Variants in ASAP1 observed in about 807,000 individuals in gnomAD.
The protein encoded by ASAP1 is arf-GAP with SH3 domain, ANK repeat and PH domain-containing protein 1.
A neutral mutation model predicts 145.2 loss-of-function variants in ASAP1; 43 were observed. The observed-to-expected ratio is 0.30, with a 90% confidence interval of 0.23 to 0.38. The LOEUF is 0.38. ASAP1 is among the 10% of genes least tolerant of loss of function. ASAP1 has a pLI of 1.00. For synonymous variants in ASAP1, 546 were observed against 515.5 expected (o/e 1.06, Z -0.80); for missense variants, 1,018 against 1,355.3 (o/e 0.75, Z 3.91).
Position 130,274,158 on chromosome 8 carries a change from T to A in ASAP1, c.187-37164A>T, listed in dbSNP as rs117097409. ...CATTCTTCTCATACTAATGTATACC[T>A]CCCTGCCTGCATTGCTTTCCCTTGG... is the stretch of plus-strand genomic sequence containing the variant. On this transcript the variant is annotated intron_variant, in intron 3 of 29. Transcript: ENST00000518721. Among the ~76,000 whole-genome samples the A allele has an allele frequency of 5.8e-3, 877 of 152,280 alleles. 6 individuals carry two copies. The highest frequency in any genetic ancestry group is 9.2e-3 in the Non-Finnish European group (628 of 68,018).
At chr8:130,099,362 A>G (rs2097524640) in intron 24 of ASAP1, among the ~76,000 whole-genome samples, 2 of 151,814 alleles carry the variant, frequency 1.3e-5, no homozygotes, top group African/African-American at 2.4e-5. Flanking sequence ...TTGTATTTTT[A>G]GTAGAGACGG....
At chr8:130,289,104 T>C (rs1011910395) in intron 3 of ASAP1, among the ~76,000 whole-genome samples, 1 of 152,138 alleles carries the variant, frequency 6.6e-6, no homozygotes, top group African/African-American at 2.4e-5. Flanking sequence ...GAGAATCACT[T>C]GAACCCGGGA....
At chr8:130,399,205 A>G (rs1012036335) in intron 2 of ASAP1, among the ~76,000 whole-genome samples, 3 of 152,234 alleles carry the variant, frequency 2.0e-5, no homozygotes, top group Non-Finnish European at 2.9e-5. Flanking sequence ...AGAGGTTCAC[A>G]TGGCAAACAA....
At chr8:130,322,636 T>C (rs576101399) in intron 3 of ASAP1, among the ~76,000 whole-genome samples, 1 of 152,338 alleles carries the variant, frequency 6.6e-6, no homozygotes, top group South Asian at 2.1e-4. Flanking sequence ...TTCAATATAA[T>C]GCTATCTGGA....
rs773658025 is a variant in ASAP1 at position 130,358,122 on chromosome 8, G to C, written c.81C>G (p.Val27=). The change falls in exon 3 of 30, where the codon GTC becomes GTG. Residue 27 remains valine, a synonymous_variant. Coordinates refer to ENST00000518721, the MANE Select transcript of ASAP1 (RefSeq NM_018482.4). This position sits in a 1 kb window ranked among gnomAD's most constrained non-coding sequence, Gnocchi z 4.1. ...LWNRMPDQIS[V]SEFIAETTED... ...CGGTGGTCTCGGCGATGAACTCCGA[G>C]ACAGAGATCTGGTCCGGCATCCTGC... The C allele has an allele frequency of 1.2e-6, 2 of 1,608,334 alleles. No individual in the cohort carries two copies. The highest frequency in any genetic ancestry group is 1.3e-5 in the African/African-American group (1 of 74,824).
At chr8:130,306,922 T>C (rs186824852) in intron 3 of ASAP1, among the ~76,000 whole-genome samples, 1 of 152,326 alleles carries the variant, frequency 6.6e-6, no homozygotes, top group African/African-American at 2.4e-5. Flanking sequence ...TCCACCCAGG[T>C]CTGAGTGTCT....
At chr8:130,250,879 A>G (rs1343183104) in intron 3 of ASAP1, among the ~76,000 whole-genome samples, 1 of 152,200 alleles carries the variant, frequency 6.6e-6, no homozygotes, top group Non-Finnish European at 1.5e-5. Flanking sequence ...ACCATTTGTA[A>G]AATGGTAAAT....
chr8:130,210,012 C>T (rs1816481047), intron 5 of ASAP1, among the ~76,000 whole-genome samples: 1 of 152,114 alleles, frequency 6.6e-6, no homozygotes, highest in Non-Finnish European at 1.5e-5. Flanking sequence ...TGTTCATTTG[C>T]ATGGTTTCAG....
intron 3 of ASAP1, among the ~76,000 whole-genome samples, chr8:130,328,090 T>C (rs1824452831): frequency 6.6e-6 from 1 of 152,190 alleles, no homozygotes; most frequent in Admixed American, 6.5e-5. Context: ...CTGTCTAACA[T>C]TTACTGAGCA....
chr8:130,432,372 A>G (rs2138788818), intron 1 of ASAP1, among the ~76,000 whole-genome samples: 1 of 151,854 alleles, frequency 6.6e-6, no homozygotes, highest in African/African-American at 2.4e-5. Context: ...GGATGATGGG[A>G]ACAGCAAGAC....
chr8:130,440,624 C>T (rs935928986), intron 1 of ASAP1, among the ~76,000 whole-genome samples: 26 of 151,998 alleles, frequency 1.7e-4, no homozygotes, highest in Non-Finnish European at 2.8e-4. Flanking sequence ...TGTGTGATCT[C>T]GTCCCTGCTT....
intron 2 of ASAP1, among the ~76,000 whole-genome samples, chr8:130,365,360 T>A (rs1826902767): frequency 6.6e-6 from 1 of 152,208 alleles, no homozygotes; most frequent in Non-Finnish European, 1.5e-5. Flanking sequence ...CATAAATGTG[T>A]TTTGAATTGA....
At chr8:130,357,444 A>G (rs1477244360) in intron 3 of ASAP1, among the ~76,000 whole-genome samples, 1 of 152,234 alleles carries the variant, frequency 6.6e-6, no homozygotes, top group Non-Finnish European at 1.5e-5. Context: ...ATCTCTTTCC[A>G]TCTGGGCTTC....
At chr8:130,404,843 C>A (rs747168005) in intron 1 of ASAP1, among the ~76,000 whole-genome samples, 5 of 152,166 alleles carry the variant, frequency 3.3e-5, no homozygotes, top group African/African-American at 4.8e-5. Flanking sequence ...GTTCCCAAGT[C>A]TATTCCTCTT....
At chr8:130,322,570 A>G (rs1164706611) in intron 3 of ASAP1, among the ~76,000 whole-genome samples, 3 of 152,212 alleles carry the variant, frequency 2.0e-5, no homozygotes, top group Non-Finnish European at 4.4e-5. Context: ...CAGATAGGGG[A>G]AGTAAACATT....
At chr8:130,284,492 G>T (rs1341096289) in intron 3 of ASAP1, among the ~76,000 whole-genome samples, 2 of 152,022 alleles carry the variant, frequency 1.3e-5, no homozygotes, top group African/African-American at 4.8e-5. Context: ...TTTAAGCAGG[G>T]GAAAGTGAGC....
intron 5 of ASAP1, among the ~76,000 whole-genome samples, chr8:130,194,309 C>A: frequency 6.7e-6 from 1 of 148,356 alleles, no homozygotes. Context: ...TATAAAGGCA[C>A]AAAGAAAGGT....
intron 13 of ASAP1, among the ~76,000 whole-genome samples, chr8:130,143,754 C>T (rs1487985966): frequency 1.3e-5 from 2 of 152,152 alleles, no homozygotes; most frequent in Admixed American, 1.3e-4. Context: ...AGAAAATAAA[C>T]ACCGCACATT....
intron 3 of ASAP1, among the ~76,000 whole-genome samples, 195 bp downstream of exon 3, chr8:130,357,822 C>G (rs906497923): frequency 1.3e-5 from 2 of 152,234 alleles, no homozygotes; most frequent in African/African-American, 4.8e-5. Flanking sequence ...GGCCTTTCAA[C>G]CCGCAAGACC....
Sources: gnomAD v4.1 joint callset for allele counts (sites outside exome capture counted in the v4.1 genomes callset) on GRCh38, gnomAD v4.1.1 for gene constraint, Gnocchi (gnomAD v3.1) non-coding constraint, MANE v1.5 for transcripts, NCBI Gene and HGNC (gene_info 2026-07-23, HGNC 2026-07-21) for gene names.